The following EFNA5 variants were observed in gnomAD, a reference collection of about 807,000 sequenced individuals.
EFNA5 encodes the protein ephrin-A5.
In EFNA5, 5 loss-of-function variants were observed where a neutral mutation model predicts 22.9. The ratio of observed to expected loss-of-function variants is 0.22; its 90% CI spans 0.11 to 0.46. EFNA5 has a LOEUF of 0.46. EFNA5 is among the 20% of genes least tolerant of loss of function. The pLI, the probability that EFNA5 is intolerant of heterozygous loss-of-function variation, is 0.99. For missense variants in EFNA5, 237 were observed against 293.3 expected (o/e 0.81, Z 1.40); for synonymous variants, 113 against 112.2 (o/e 1.01, Z -0.04).
chr5:107,589,735 GT>G (rs1409437867), intron 1 of EFNA5, among the ~76,000 whole-genome samples: 2 of 152,124 alleles, frequency 1.3e-5, no homozygotes, highest in Non-Finnish European at 2.9e-5. Flanking sequence ...AACACTCTTT[GT>G]TTACTCTCTA....
intron 1 of EFNA5, among the ~76,000 whole-genome samples, chr5:107,450,268 G>C (rs546510801): frequency 2.6e-5 from 4 of 152,194 alleles, no homozygotes; most frequent in Admixed American, 2.0e-4. Context: ...GTTTGTTTAG[G>C]ATTCCAAAGG....
chr5:107,385,690 G>A (rs904678476), intron 4 of EFNA5, among the ~76,000 whole-genome samples: 3 of 152,170 alleles, frequency 2.0e-5, no homozygotes, highest in African/African-American at 4.8e-5. Context: ...AGAGTCTGGG[G>A]TTGTTAAGGG....
chr5:107,494,051 A>G (rs1235004425), intron 1 of EFNA5, among the ~76,000 whole-genome samples: 1 of 152,118 alleles, frequency 6.6e-6, no homozygotes, highest in East Asian at 1.9e-4. Flanking sequence ...TTACCCCAAC[A>G]TTTTTTTATG....
At chr5:107,610,229 C>T (rs538479563) in intron 1 of EFNA5, among the ~76,000 whole-genome samples, 28 of 152,322 alleles carry the variant, frequency 1.8e-4, no homozygotes, top group Non-Finnish European at 2.1e-4. Flanking sequence ...CACTTCTTTA[C>T]GCATCTATAA....
intron 1 of EFNA5, among the ~76,000 whole-genome samples, chr5:107,527,290 C>CTT (rs56960843): frequency 2.1e-3 from 296 of 142,422 alleles, no homozygotes; most frequent in African/African-American, 2.9e-3. Flanking sequence ...TTTCTTTTTT[C>CTT]TTTTTTTTTT....
intron 1 of EFNA5, among the ~76,000 whole-genome samples, chr5:107,553,211 A>T (rs1330875251): frequency 1.3e-5 from 2 of 152,162 alleles, no homozygotes; most frequent in Non-Finnish European, 2.9e-5. Context: ...GGCCTTATTA[A>T]ACTGTGGGCA....
chr5:107,617,640 G>A (rs1036802701), intron 1 of EFNA5, among the ~76,000 whole-genome samples: 1 of 152,054 alleles, frequency 6.6e-6, no homozygotes, highest in African/African-American at 2.4e-5. Context: ...TTGTTCAAAA[G>A]GAAATAGGAA....
In EFNA5 at chr5:107,670,672, G is replaced by A. The variant is rs947444345; in HGVS notation, c.-59C>T. ...CACTCCGGGGAGAGAGCGGGGATCCGGAGGGAGGGAGGCAGGCAAAGGGAC... is the reference window on the plus strand; with the variant it reads ...CACTCCGGGGAGAGAGCGGGGATCCAGAGGGAGGGAGGCAGGCAAAGGGAC... On this transcript the variant is annotated 5_prime_UTR_variant, in exon 1 of 5. Coordinates refer to ENST00000333274, the MANE Select transcript of EFNA5 (RefSeq NM_001962.3). 1.3e-6 allele frequency: 2 copies of A among 1,567,456 alleles called. No individual in the cohort carries two copies. The highest frequency in any genetic ancestry group is 1.8e-5 in the Admixed American group (1 of 55,222).
chr5:107,666,646 T>C (rs1053630339), intron 1 of EFNA5, among the ~76,000 whole-genome samples: 3 of 152,128 alleles, frequency 2.0e-5, no homozygotes, highest in Non-Finnish European at 2.9e-5. Flanking sequence ...AAGCACCAGG[T>C]TGAGGACGAC....
intron 1 of EFNA5, among the ~76,000 whole-genome samples, chr5:107,473,695 T>TCCA (rs1469790795): frequency 5.9e-5 from 9 of 151,738 alleles, no homozygotes; most frequent in Admixed American, 5.9e-4. Context: ...GTTTCGCTCT[T>TCCA]GTTGCCCAAG....
intron 1 of EFNA5, among the ~76,000 whole-genome samples, chr5:107,436,791 G>A (rs749072962): frequency 6.6e-6 from 1 of 151,966 alleles, no homozygotes; most frequent in Admixed American, 6.6e-5. Flanking sequence ...AGGGGATGTG[G>A]GCGTCAATCA....
At chr5:107,578,634 C>T (rs1023450166) in intron 1 of EFNA5, among the ~76,000 whole-genome samples, 35 of 152,000 alleles carry the variant, frequency 2.3e-4, no homozygotes, top group African/African-American at 8.0e-4. Context: ...CAAGAGGCAC[C>T]CTTATAAGCA....
chr5:107,402,152 T>C (rs996844688), intron 2 of EFNA5, among the ~76,000 whole-genome samples: 3 of 152,116 alleles, frequency 2.0e-5, no homozygotes, highest in African/African-American at 7.2e-5. Context: ...TATGTGTGTG[T>C]AGGAGGAGGA....
At chr5:107,585,272 A>T (rs1290224238) in intron 1 of EFNA5, among the ~76,000 whole-genome samples, 1 of 152,170 alleles carries the variant, frequency 6.6e-6, no homozygotes, top group Admixed American at 6.5e-5. Flanking sequence ...CTTCTAGAAA[A>T]TACCAAGCCC....
chr5:107,415,530 C>T (rs960398768), intron 2 of EFNA5, among the ~76,000 whole-genome samples: 1 of 152,070 alleles, frequency 6.6e-6, no homozygotes, highest in African/African-American at 2.4e-5. Context: ...TCCACGTGAG[C>T]GGTGTGAAGC....
At position 107,597,390 on chromosome 5, in the gene EFNA5, G is replaced by C. The variant is rs913644365; in HGVS notation, c.125+73099C>G. Among the ~76,000 whole-genome samples, 4 of 152,208 alleles carry C rather than the reference G, an allele frequency of 2.6e-5. No homozygotes were observed. The South Asian group carries it at 8.3e-4, about 32-fold the overall frequency. On this transcript the variant is annotated intron_variant, in intron 1 of 4. Transcript: ENST00000333274. The stretch of plus-strand genomic sequence containing the variant: ...ACTCAGCCAACATTACTTGGAAATG[G>C]ATTCATCTTCCGCAAAATTATTTCC...
chr5:107,456,467 C>G (rs1183032756), intron 1 of EFNA5, among the ~76,000 whole-genome samples: 3 of 152,130 alleles, frequency 2.0e-5, no homozygotes, highest in African/African-American at 7.2e-5. Context: ...ACAGTGCTTT[C>G]CATCTATCTA....
intron 2 of EFNA5, among the ~76,000 whole-genome samples, chr5:107,402,804 A>T (rs375055511): frequency 4.6e-5 from 7 of 152,214 alleles, no homozygotes; most frequent in Admixed American, 4.6e-4. Flanking sequence ...GACTAAATCA[A>T]GTCTTCGGGC....
intron 1 of EFNA5, among the ~76,000 whole-genome samples, chr5:107,532,165 A>G (rs1243720844): frequency 6.6e-6 from 1 of 152,180 alleles, no homozygotes; most frequent in African/African-American, 2.4e-5. Context: ...GATGGGCAGG[A>G]GGAATTATTT....
Sources: gnomAD v4.1 joint callset for allele counts (sites outside exome capture counted in the v4.1 genomes callset) on GRCh38, gnomAD v4.1.1 for gene constraint, MANE v1.5 for transcripts, NCBI Gene and HGNC (gene_info 2026-07-23, HGNC 2026-07-21) for gene names.